Variants in ITGA9 observed in about 807,000 individuals in gnomAD.
ITGA9 encodes the protein integrin alpha-9.
ITGA9 carries 56 observed loss-of-function variants against 127.8 expected under a neutral mutation model. The observed-to-expected ratio is 0.44, with a 90% CI of 0.35 to 0.55. The LOEUF is 0.55. ITGA9 is among the 20% of genes least tolerant of loss of function. ITGA9 has a pLI of 0.00. For synonymous variants in ITGA9, 508 were observed against 514.5 expected (o/e 0.99, Z 0.17); for missense variants, 1,196 against 1,347.1 (o/e 0.89, Z 1.76).
At chr3:37,783,897 G>GC (rs919101588) in intron 25 of ITGA9, among the ~76,000 whole-genome samples, 19 of 152,162 alleles carry the variant, frequency 1.2e-4, no homozygotes, top group Admixed American at 3.9e-4. Flanking sequence ...GTCCCTGTGT[G>GC]CCCCAGGAAG....
chr3:37,624,582 G>A (rs1015517541), intron 15 of ITGA9, among the ~76,000 whole-genome samples: 3 of 151,990 alleles, frequency 2.0e-5, no homozygotes, highest in African/African-American at 7.2e-5. Flanking sequence ...TGGCCTCCCT[G>A]CCCCTGTCAG....
intron 1 of ITGA9, among the ~76,000 whole-genome samples, chr3:37,465,266 C>T (rs1238569166): frequency 1.3e-5 from 2 of 152,156 alleles, no homozygotes; most frequent in Non-Finnish European, 2.9e-5. Flanking sequence ...GCAGATTACC[C>T]TCAAAACATG....
chr3:37,489,664 C>G (rs1285211963), intron 4 of ITGA9, among the ~76,000 whole-genome samples: 3 of 146,838 alleles, frequency 2.0e-5, no homozygotes, highest in African/African-American at 5.0e-5. Flanking sequence ...TAGTTTTATT[C>G]TCTCTTCATT....
chr3:37,467,624 G>A (rs1014222153), intron 1 of ITGA9, among the ~76,000 whole-genome samples: 29 of 152,124 alleles, frequency 1.9e-4, no homozygotes, highest in African/African-American at 6.8e-4. Flanking sequence ...CCCTTCCCTC[G>A]GACGTGATGA....
At chr3:37,499,893 T>C (rs1156562632) in intron 5 of ITGA9, among the ~76,000 whole-genome samples, 1 of 152,216 alleles carries the variant, frequency 6.6e-6, no homozygotes, top group East Asian at 1.9e-4. Flanking sequence ...TTTTCAACTT[T>C]TATCCTGGGT....
chr3:37,495,901 C>T (rs1265376277), intron 5 of ITGA9, among the ~76,000 whole-genome samples: 1 of 152,124 alleles, frequency 6.6e-6, no homozygotes, highest in Non-Finnish European at 1.5e-5. Flanking sequence ...CTTCTGACTC[C>T]GAGGCTTCCC....
chr3:37,789,525 C>T (rs1368821459), intron 26 of ITGA9, among the ~76,000 whole-genome samples: 2 of 150,914 alleles, frequency 1.3e-5, no homozygotes, highest in Non-Finnish European at 2.9e-5. Context: ...TTTGGGAGGC[C>T]AAGGCGGGTG....
At position 37,818,251 on chromosome 3, in the gene ITGA9, C is replaced by CTTTTTTTTTTTT. The variant is rs1165189273; in HGVS notation, c.3010-625_3010-614dup. 3 of 57,022 alleles carry CTTTTTTTTTTTT rather than the reference C, an allele frequency of 5.3e-5. 1 individual carries two copies. The highest frequency in any genetic ancestry group is 1.8e-4 in the African/African-American group (3 of 16,750). The allele number at this position is 57,022 out of a possible 1,614,324, so 3.5% of individuals were successfully genotyped here. On this transcript the variant is annotated intron_variant, in intron 27 of 27. Transcript: ENST00000264741. ...TCCCAAACTTATTTGACCATGAAAC[C>CTTTTTTTTTTTT]TTTTTTTTTTTTTTTTTTTTTTTTT...
intron 4 of ITGA9, among the ~76,000 whole-genome samples, chr3:37,490,571 CTT>C (rs1698659229): frequency 6.6e-6 from 1 of 152,176 alleles, no homozygotes; most frequent in African/African-American, 2.4e-5. Context: ...GTATGTGAAT[CTT>C]GATCTTTCTG....
chr3:37,522,183 G>C (rs987723907), intron 11 of ITGA9, among the ~76,000 whole-genome samples: 1 of 152,044 alleles, frequency 6.6e-6, no homozygotes, highest in Non-Finnish European at 1.5e-5. Context: ...TGAAAACAAA[G>C]CATTTCTCTT....
intron 14 of ITGA9, among the ~76,000 whole-genome samples, chr3:37,535,777 CTG>C (rs1699201960): frequency 6.6e-6 from 1 of 152,174 alleles, no homozygotes; most frequent in Admixed American, 6.5e-5. Context: ...GGGATGGTAA[CTG>C]GAGAATTTTG....
At chr3:37,638,126 A>G (rs1207548591) in intron 16 of ITGA9, among the ~76,000 whole-genome samples, 3 of 152,148 alleles carry the variant, frequency 2.0e-5, no homozygotes, top group Admixed American at 6.5e-5. Flanking sequence ...CCTGTCTATC[A>G]TGGAAGGAAT....
chr3:37,588,044 T>G (rs546691501), intron 15 of ITGA9, among the ~76,000 whole-genome samples: 53 of 152,366 alleles, frequency 3.5e-4, no homozygotes, highest in Non-Finnish European at 5.1e-4. Context: ...CTCTTGTTTC[T>G]TGGCTTTGCT....
chr3:37,515,127 T>A (rs968045373), intron 9 of ITGA9, among the ~76,000 whole-genome samples: 1 of 152,082 alleles, frequency 6.6e-6, no homozygotes, highest in African/African-American at 2.4e-5. Context: ...TTCTCTAACA[T>A]GAGAAAACGC....
chr3:37,812,996 G>A (rs1033764301), intron 27 of ITGA9, among the ~76,000 whole-genome samples: 2 of 152,228 alleles, frequency 1.3e-5, no homozygotes, highest in African/African-American at 4.8e-5. Context: ...GCACCCATGC[G>A]TGCTCACATG....
In ITGA9 at chr3:37,705,076, G is replaced by T. The variant is rs75221794; in HGVS notation, c.2067+21061G>T. Among the ~76,000 whole-genome samples, 295 of 152,298 alleles carry T rather than the reference G, an allele frequency of 1.9e-3. 2 individuals are homozygous for T. Among genetic ancestry groups the T allele is most frequent in the African/African-American group, 6.9e-3 (285 of 41,564 alleles). On this transcript the variant is annotated intron_variant, in intron 18 of 27. Transcript: ENST00000264741. ...GTACCAAACTTACAAATGGGAAAGT[G>T]GATGCTTAGAATGGCATGAATGTTG... is the stretch of plus-strand genomic sequence containing the variant.
intron 7 of ITGA9, among the ~76,000 whole-genome samples, chr3:37,507,514 C>T (rs1698857858): frequency 6.6e-6 from 1 of 152,180 alleles, no homozygotes; most frequent in Non-Finnish European, 1.5e-5. Context: ...CCGCAAACCC[C>T]TCTCACTGGC....
chr3:37,607,743 T>C (rs1699981533), intron 15 of ITGA9, among the ~76,000 whole-genome samples: 1 of 152,214 alleles, frequency 6.6e-6, no homozygotes, highest in African/African-American at 2.4e-5. Context: ...TGGTGCCATC[T>C]GTCACAGTAA....
chr3:37,517,612 G>A lies in ITGA9; in HGVS notation c.1141+3G>A. On this transcript the variant is annotated splice_donor_region_variant and intron_variant, in intron 10 of 27. Transcript: ENST00000264741. The stretch of plus-strand genomic sequence containing the variant: ...TCTGGACAATGATGGGTTCCCAGGT[G>A]AGTGAGTGCTCCTGGTGCACGGAGC... 2 of 1,567,884 alleles carry A rather than the reference G, an allele frequency of 1.3e-6. No homozygotes were observed. The highest frequency in any genetic ancestry group is 8.7e-7 in the Non-Finnish European group (1 of 1,154,110).
Sources: allele counts gnomAD v4.1 joint callset (sites outside exome capture counted in the v4.1 genomes callset), GRCh38; gene constraint gnomAD v4.1.1; transcripts MANE v1.5; gene names NCBI Gene and HGNC (gene_info 2026-07-23, HGNC 2026-07-21).